The following TMEM266 variants were observed in gnomAD, a reference collection of about 807,000 sequenced individuals.
TMEM266 encodes Hv1 related protein 1.
In TMEM266, 33 loss-of-function variants were observed where a neutral mutation model predicts 50.5. The observed-to-expected ratio is 0.65, with a 90% CI of 0.50 to 0.87. The LOEUF is 0.87. TMEM266 is among the 40% of genes least tolerant of loss of function. The pLI, the probability that TMEM266 is intolerant of heterozygous loss-of-function variation, is 0.00. For missense variants in TMEM266, 655 were observed against 695.1 expected (o/e 0.94, Z 0.65); for synonymous variants, 310 against 292.3 (o/e 1.06, Z -0.62).
At chr15:76,178,872 G>C (rs1254592725) in intron 8 of TMEM266, 1 of 152,264 alleles carries the variant, frequency 6.6e-6, no homozygotes, top group African/African-American at 2.4e-5. Context: ...GAAAGGGCCA[G>C]ACAGGCTGGA....
At chr15:76,149,059 C>G (rs1229551429) in intron 3 of TMEM266, among the ~76,000 whole-genome samples, 1 of 152,118 alleles carries the variant, frequency 6.6e-6, no homozygotes, top group Non-Finnish European at 1.5e-5. Context: ...GTGGCTTGCC[C>G]CCTGGAATTG....
intron 1 of TMEM266, among the ~76,000 whole-genome samples, chr15:76,127,323 C>CT (rs530406441): frequency 0.14 from 19,700 of 138,940 alleles, 2,368 homozygotes; most frequent in African/African-American, 0.31. Context: ...ACCTCTAGTC[C>CT]TTTTTTTTTT....
intron 4 of TMEM266, among the ~76,000 whole-genome samples, chr15:76,158,041 T>C (rs1374246114): frequency 6.6e-6 from 1 of 152,012 alleles, no homozygotes; most frequent in Non-Finnish European, 1.5e-5. Flanking sequence ...GGTACAATTA[T>C]CAGCTCCAGA....
intron 8 of TMEM266, among the ~76,000 whole-genome samples, chr15:76,180,583 T>C (rs2038383526): frequency 6.8e-6 from 1 of 148,050 alleles, no homozygotes; most frequent in Non-Finnish European, 1.5e-5. Context: ...ACTGCACAGT[T>C]ACTCTCTGTT....
At chr15:76,063,938 G>A (rs1370736200) in intron 1 of TMEM266, among the ~76,000 whole-genome samples, 1 of 152,202 alleles carries the variant, frequency 6.6e-6, no homozygotes. Flanking sequence ...TTGAGCCGGT[G>A]TTGGGAAGAG....
At chr15:76,085,923 C>G (rs1490078537) in intron 1 of TMEM266, among the ~76,000 whole-genome samples, 1 of 151,896 alleles carries the variant, frequency 6.6e-6, no homozygotes, top group Non-Finnish European at 1.5e-5. Context: ...TGGTGCACGC[C>G]TTTAGTTCCA....
rs192793739 is a variant in TMEM266, at chr15:76,194,523, C to G, written c.958+2366C>G. Among the ~76,000 whole-genome samples the G allele has an allele frequency of 2.0e-5, 3 of 152,312 alleles. No homozygotes were observed. The East Asian group carries it at 5.8e-4, about 29-fold the overall frequency. On this transcript the variant is annotated intron_variant, in intron 9 of 10. Transcript: ENST00000388942. ...GATTAGTTTGCTAGGACTACCATAA[C>G]AAAATGCCACAGACTGGCTAGCACA...
At chr15:76,124,383 A>T (rs1018699951) in intron 1 of TMEM266, among the ~76,000 whole-genome samples, 6 of 152,228 alleles carry the variant, frequency 3.9e-5, no homozygotes, top group African/African-American at 1.4e-4. Flanking sequence ...TTGTTGAAAG[A>T]AATTGTAGAA....
intron 8 of TMEM266, 60 bp from the exon 9 acceptor site, chr15:76,191,908 G>C: frequency 1.4e-6 from 2 of 1,476,714 alleles, no homozygotes; most frequent in South Asian, 2.7e-5. Flanking sequence ...CCAGAGGTCA[G>C]GCTGGAGGCC....
chr15:76,146,447 T>TA (rs1351739348), intron 3 of TMEM266, among the ~76,000 whole-genome samples: 1 of 152,194 alleles, frequency 6.6e-6, no homozygotes, highest in African/African-American at 2.4e-5. Flanking sequence ...GCTGGACTCC[T>TA]AGGCAGGGGA....
intron 3 of TMEM266, among the ~76,000 whole-genome samples, chr15:76,141,322 G>A (rs1055312621): frequency 1.3e-5 from 2 of 149,342 alleles, no homozygotes; most frequent in African/African-American, 2.5e-5. Flanking sequence ...TGCAACCTCC[G>A]TCTCCCAGGT....
In TMEM266 at chr15:76,134,708, T is replaced by C. The variant is rs537104566; in HGVS notation, c.38+407T>C. Among the ~76,000 whole-genome samples, 20 of 152,340 alleles carry C rather than the reference T, an allele frequency of 1.3e-4. No individual in the cohort carries two copies. In the East Asian group the frequency reaches 3.5e-3, roughly 26 times the overall value. The stretch of plus-strand genomic sequence containing the variant: ...AATACTAAGATGAAAACAGCACTCA[T>C]TCTATTACACCACACTGTCCTGGCC... On this transcript the variant is annotated intron_variant, in intron 2 of 10. Coordinates refer to ENST00000388942, the MANE Select transcript of TMEM266 (RefSeq NM_152335.3).
intron 3 of TMEM266, among the ~76,000 whole-genome samples, chr15:76,148,077 G>C (rs1017815176): frequency 1.3e-5 from 2 of 152,248 alleles, no homozygotes; most frequent in Admixed American, 6.5e-5. Flanking sequence ...AGGGTGTACA[G>C]CGGCGGGTGA....
intron 3 of TMEM266, among the ~76,000 whole-genome samples, chr15:76,147,389 G>A (rs1364189681): frequency 5.3e-5 from 8 of 152,246 alleles, no homozygotes; most frequent in Admixed American, 5.2e-4. Flanking sequence ...CAACTGCAGA[G>A]TCTGGAAATT....
At chr15:76,117,019 C>A (rs2037261281) in intron 1 of TMEM266, among the ~76,000 whole-genome samples, 1 of 151,870 alleles carries the variant, frequency 6.6e-6, no homozygotes, top group South Asian at 2.1e-4. Flanking sequence ...CCTGCCTCAG[C>A]CTCCTGAATA....
At chr15:76,075,964 A>G (rs552149934) in intron 1 of TMEM266, among the ~76,000 whole-genome samples, 14 of 145,938 alleles carry the variant, frequency 9.6e-5, no homozygotes, top group African/African-American at 3.6e-4. Context: ...GGACCAAGCA[A>G]TCCTCCCTCA....
Position 76,204,071 on chromosome 15 carries a change from C to G in TMEM266, c.1352C>G (p.Pro451Arg), listed in dbSNP as rs775548031. The G allele has an allele frequency of 6.2e-7, 1 of 1,612,566 alleles. No individual in the cohort carries two copies. The highest frequency in any genetic ancestry group is 8.5e-7 in the Non-Finnish European group (1 of 1,179,440). ...CTGCTGTCCTCCCTGTCGGAGGACCCCTGCCCTTCCCAGAAGGCCTTGGAC... is the reference window on the plus strand; with the variant it reads ...CTGCTGTCCTCCCTGTCGGAGGACCGCTGCCCTTCCCAGAAGGCCTTGGAC... Residue 451 changes from proline to arginine, a missense_variant, in exon 11 of 11, where the codon CCC (proline) becomes CGC (arginine). Physicochemically the swap from Pro to Arg is moderately radical, Grantham distance 103 (BLOSUM62 -2). This residue lies in a region of TMEM266 where 455 missense variants were observed against 401.8 expected (regional missense o/e 1.13). Transcript: ENST00000388942.
At chr15:76,193,618 A>G (rs1386225023) in intron 9 of TMEM266, among the ~76,000 whole-genome samples, 2 of 152,174 alleles carry the variant, frequency 1.3e-5, no homozygotes, top group South Asian at 2.1e-4. Context: ...AATCCCCTCT[A>G]TAACTCTCTG....
Position 76,068,281 on chromosome 15 carries a change from A to T in TMEM266, c.-97+8265A>T, listed in dbSNP as rs576796284. On this transcript the variant is annotated intron_variant, in intron 1 of 10. Transcript: ENST00000388942. ...GCTTGTTAATTGCCCTAGGGATGGG[A>T]AAGTGTTTACACAGATGATCTCCAA... Among the ~76,000 whole-genome samples the T allele has an allele frequency of 2.6e-5, 4 of 152,316 alleles. No individual in the cohort carries two copies. The East Asian group carries it at 7.7e-4, about 29-fold the overall frequency.
Sources: allele counts gnomAD v4.1 joint callset (sites outside exome capture counted in the v4.1 genomes callset), GRCh38; gene constraint gnomAD v4.1.1; regional missense constraint gnomAD v4.1.1; transcripts MANE v1.5; gene names NCBI Gene and HGNC (gene_info 2026-07-23, HGNC 2026-07-21).